FRY: variants seen among roughly 807,000 people sequenced by gnomAD.
FRY encodes the protein FRY microtubule binding protein, also known as protein furry homolog.
A neutral mutation model predicts 348.4 loss-of-function variants in FRY; 128 were observed. The ratio of observed to expected loss-of-function variants is 0.37; its 90% CI spans 0.32 to 0.43. The LOEUF (loss-of-function observed/expected upper bound fraction) is 0.43, where lower values mean the gene tolerates loss of function less well. Among genes scored for constraint, FRY ranks in the 20% least tolerant of loss-of-function variants. FRY has a pLI of 1.00. For synonymous variants in FRY, 1,370 were observed against 1,374.7 expected, an observed-to-expected ratio of 1.00 and a Z score of 0.08; for missense variants, 2,736 against 3,695.2, an observed-to-expected ratio of 0.74 and a Z score of 6.73.
In FRY at chr13:32,210,973, T is replaced by C. The variant is rs1282466153; in HGVS notation, c.4530T>C (p.His1510=). The C allele has an allele frequency of 1.2e-6, 2 of 1,613,862 alleles. No homozygotes were observed. The highest frequency in any genetic ancestry group is 2.7e-5 in the African/African-American group (2 of 74,918). The change falls in exon 34 of 61, where the codon CAT becomes CAC. Residue 1510 remains histidine, a synonymous_variant. Coordinates refer to ENST00000542859, the MANE Select transcript of FRY (RefSeq NM_023037.3). ...QTEPVNPIVQ[H]CDNPPFYRFT... ...AGCCCGTGAACCCCATCGTCCAGCA[T>C]TGTGACAACCCGCCCTTCTACCGCT...
intron 54 of FRY, among the ~76,000 whole-genome samples, chr13:32,266,946 T>C (rs577135641): frequency 6.6e-6 from 1 of 152,260 alleles, no homozygotes; most frequent in East Asian, 1.9e-4. Context: ...ATCATGCCAC[T>C]GCACTCCAGC....
At chr13:32,130,452 T>TTGTGTGTGTGTG (rs58000380) in intron 7 of FRY, among the ~76,000 whole-genome samples, 4,211 of 141,906 alleles carry the variant, frequency 0.03, 145 homozygotes, top group African/African-American at 0.071. Context: ...TGGAAAGTGT[T>TTGTGTGTGTGTG]TGTGTGTGTG....
intron 3 of FRY, among the ~76,000 whole-genome samples, chr13:32,105,190 T>C (rs1489916992): frequency 6.6e-6 from 1 of 152,204 alleles, no homozygotes; most frequent in African/African-American, 2.4e-5. Context: ...CTTTAAGTGG[T>C]AATTTTCCCA....
intron 35 of FRY, among the ~76,000 whole-genome samples, chr13:32,217,519 T>C (rs1885065443): frequency 6.6e-6 from 1 of 152,164 alleles, no homozygotes; most frequent in African/African-American, 2.4e-5. Flanking sequence ...CCTAATTAAA[T>C]AAAAGACAGA....
intron 27 of FRY, 144 bp downstream of exon 27, chr13:32,186,564 T>C (rs1242595721): frequency 1.5e-6 from 1 of 676,690 alleles, no homozygotes; most frequent in African/African-American, 1.8e-5. Flanking sequence ...AAAAATCACA[T>C]GGACACACAC....
At chr13:32,067,331 A>C (rs1874323988) in intron 1 of FRY, among the ~76,000 whole-genome samples, 1 of 151,934 alleles carries the variant, frequency 6.6e-6, no homozygotes, top group South Asian at 2.1e-4. Context: ...TAGGTTAGAC[A>C]CAAGTCAGAC....
At chr13:32,194,347 T>A (rs200717566) in intron 29 of FRY, 50 bp downstream of exon 29, 3 of 1,534,768 alleles carry the variant, frequency 2.0e-6, no homozygotes, top group Admixed American at 3.3e-5. Flanking sequence ...TTAGGGTTAC[T>A]TTTTGTGATA....
In FRY at chr13:32,295,449, A is replaced by G; in HGVS notation, c.9031A>G (p.Thr3011Ala). ...TFLPDSSVSGTSL is the reference protein window; with the variant it reads ...TFLPDSSVSGASL ...TCTTCCAGACTCCAGTGTTTCTGGC[A>G]CTAGTCTCTGACAGGAGCCTCCTGT... is the stretch of plus-strand genomic sequence containing the variant. Residue 3011 changes from threonine to alanine, a missense_variant, in exon 61 of 61, where the codon ACT (threonine) becomes GCT (alanine). Thr to Ala is a moderately conservative substitution (Grantham distance 58). Around this residue, in one of 9 missense-constraint regions of FRY, gnomAD observed 157 missense variants for 215.2 expected, o/e 0.73. Transcript: ENST00000542859. 6.2e-7 allele frequency: 1 copy of G among 1,610,848 alleles called. No individual in the cohort carries two copies. Among genetic ancestry groups the G allele is most frequent in the Non-Finnish European group, 8.5e-7 (1 of 1,179,988 alleles).
chr13:32,175,800 A>G (rs1882324645), intron 20 of FRY, among the ~76,000 whole-genome samples, 168 bp downstream of exon 20: 1 of 152,228 alleles, frequency 6.6e-6, no homozygotes, highest in Admixed American at 6.5e-5. Context: ...AATTTAAGAG[A>G]CATTCAGATA....
chr13:32,203,319 TG>T (rs1408109010), intron 31 of FRY, among the ~76,000 whole-genome samples: 1 of 152,260 alleles, frequency 6.6e-6, no homozygotes, highest in Non-Finnish European at 1.5e-5. Flanking sequence ...TTTGAATTTT[TG>T]CATATTCTTT....
At chr13:32,049,435 G>GT (rs964627633) in intron 1 of FRY, among the ~76,000 whole-genome samples, 3 of 85,916 alleles carry the variant, frequency 3.5e-5, no homozygotes, top group African/African-American at 1.4e-4. Context: ...AACCCCATAG[G>GT]TTTTTTTGTT....
intron 1 of FRY, among the ~76,000 whole-genome samples, chr13:32,072,186 G>A (rs2138501042): frequency 6.6e-6 from 1 of 152,316 alleles, no homozygotes; most frequent in East Asian, 1.9e-4. Flanking sequence ...TAAAGTGTAA[G>A]TGAAAGGAGG....
chr13:32,119,798 G>T (rs1325680574), intron 4 of FRY, among the ~76,000 whole-genome samples: 1 of 152,116 alleles, frequency 6.6e-6, no homozygotes, highest in Non-Finnish European at 1.5e-5. Context: ...TAGATAGATG[G>T]TTTTGTTCAC....
At chr13:32,042,125 T>C (rs1270660593) in intron 1 of FRY, among the ~76,000 whole-genome samples, 1 of 152,166 alleles carries the variant, frequency 6.6e-6, no homozygotes, top group African/African-American at 2.4e-5. Flanking sequence ...GAGTGGACAT[T>C]TAAATTATAT....
intron 3 of FRY, among the ~76,000 whole-genome samples, chr13:32,103,382 C>A (rs1380889613): frequency 2.0e-5 from 3 of 152,146 alleles, no homozygotes; most frequent in African/African-American, 4.8e-5. Context: ...GAATAAATAT[C>A]ATTCTCAGCA....
At chr13:32,124,910 G>T (rs746317905) in intron 7 of FRY, 35 bp downstream of exon 7, 28 of 1,457,156 alleles carry the variant, frequency 1.9e-5, no homozygotes, top group South Asian at 1.5e-4. Context: ...CCATGAGAAC[G>T]TGCGTGCTTT....
intron 2 of FRY, chr13:32,086,024 G>A (rs755663610): frequency 1.9e-6 from 1 of 516,976 alleles, no homozygotes; most frequent in East Asian, 5.5e-5. Context: ...GAATTGTGAA[G>A]ACCTAGGCGG....
rs10628771 is a variant in FRY at position 32,179,503 on chromosome 13, TTGTGTGTGTGTG to T, written c.2872-144_2872-133del. Among the ~76,000 whole-genome samples, 1,158 of 137,636 alleles carry T rather than the reference TTGTGTGTGTGTG, an allele frequency of 8.4e-3. 19 individuals carry two copies. Among genetic ancestry groups the T allele is most frequent in the East Asian group, 0.029 (141 of 4,838 alleles). 90.3% of individuals were successfully genotyped at this position (137,636 alleles called of 152,430 possible). A position where few individuals can be genotyped will look rare whatever the true frequency, so the allele number is the denominator to read the frequency against. ...TTGCATTCATTTTGCTGTATTAAAT[TTGTGTGTGTGTG>T]TGTGTGTGTGTGTGTGTGTGTGTGT... On this transcript the variant is annotated intron_variant, in intron 22 of 60. Coordinates refer to ENST00000542859, the MANE Select transcript of FRY (RefSeq NM_023037.3).
At chr13:32,059,747 A>G (rs533694014) in intron 1 of FRY, among the ~76,000 whole-genome samples, 1 of 152,210 alleles carries the variant, frequency 6.6e-6, no homozygotes, top group Non-Finnish European at 1.5e-5. Flanking sequence ...ATTCCTAGTT[A>G]TATACAGAAT....
Sources: allele counts gnomAD v4.1 joint callset (sites outside exome capture counted in the v4.1 genomes callset), GRCh38; gene constraint gnomAD v4.1.1; regional missense constraint gnomAD v4.1.1; transcripts MANE v1.5; gene names NCBI Gene and HGNC (gene_info 2026-07-23, HGNC 2026-07-21).